FNIP2: variants seen among roughly 807,000 people sequenced by gnomAD.
The protein encoded by FNIP2 is folliculin interacting protein 2, also known as folliculin-interacting protein 2.
A neutral mutation model predicts 108.7 loss-of-function variants in FNIP2; 32 were observed. That is an observed-to-expected ratio of 0.29 (90% CI 0.22 to 0.40). The LOEUF is 0.40. Among genes scored for constraint, FNIP2 ranks in the 10% least tolerant of loss-of-function variants. FNIP2 has a pLI of 1.00. For missense variants in FNIP2, 1,202 were observed against 1,381.6 expected, an observed-to-expected ratio of 0.87 and a Z score of 2.06; for synonymous variants, 480 against 496.7, an observed-to-expected ratio of 0.97 and a Z score of 0.45.
At chr4:158,797,470 C>T (rs1000106548) in intron 1 of FNIP2, among the ~76,000 whole-genome samples, 14 of 152,118 alleles carry the variant, frequency 9.2e-5, no homozygotes, top group African/African-American at 2.4e-4. Flanking sequence ...GAGGCTGAGA[C>T]GGGCAGATTG....
At chr4:158,851,193 T>G in intron 7 of FNIP2, 128 bp from the exon 8 acceptor site, 1 of 1,116,426 alleles carries the variant, frequency 9.0e-7, no homozygotes, top group Non-Finnish European at 1.3e-6. Context: ...AAGTGTACAG[T>G]TTAGTGATAT....
intron 7 of FNIP2, among the ~76,000 whole-genome samples, chr4:158,842,162 A>G (rs1474798281): frequency 6.6e-6 from 1 of 152,158 alleles, no homozygotes; most frequent in Non-Finnish European, 1.5e-5. Flanking sequence ...CATTTCCACA[A>G]ATTTACTTGG....
chr4:158,830,045 T>C (rs1043298660), intron 3 of FNIP2, among the ~76,000 whole-genome samples: 45 of 152,168 alleles, frequency 3.0e-4, no homozygotes, highest in Middle Eastern at 3.4e-3. Context: ...GGAGTAGAAT[T>C]TTCAGCAGGT....
chr4:158,780,362 A>G (rs1321344197), intron 1 of FNIP2, among the ~76,000 whole-genome samples: 1 of 152,246 alleles, frequency 6.6e-6, no homozygotes, highest in Non-Finnish European at 1.5e-5. Context: ...GAAATCTTTT[A>G]GAATGCTTTT....
chr4:158,806,034 T>G, intron 1 of FNIP2: 1 of 759,192 alleles, frequency 1.3e-6, no homozygotes, highest in Non-Finnish European at 1.7e-6. Flanking sequence ...CAAATGAATG[T>G]TCCACCTTTT....
chr4:158,792,185 C>G (rs914305600), intron 1 of FNIP2, among the ~76,000 whole-genome samples: 2 of 152,144 alleles, frequency 1.3e-5, no homozygotes, highest in South Asian at 4.1e-4. Context: ...CACCTACTTA[C>G]CAAAATTTGT....
At chr4:158,894,460 C>T (rs1248477276) in intron 15 of FNIP2, among the ~76,000 whole-genome samples, 2 of 152,168 alleles carry the variant, frequency 1.3e-5, no homozygotes, top group Non-Finnish European at 2.9e-5. Context: ...GCGTGAGCCA[C>T]TATGACTGGC....
intron 13 of FNIP2, among the ~76,000 whole-genome samples, chr4:158,869,949 C>T (rs1472995459): frequency 1.3e-5 from 2 of 152,346 alleles, no homozygotes; most frequent in Non-Finnish European, 2.9e-5. Flanking sequence ...TCTGTTCTTC[C>T]GCACTGTCGT....
At position 158,883,431 on chromosome 4, in the gene FNIP2, C is replaced by T. The variant is rs188951614; in HGVS notation, c.2950-8015C>T. ...TAATTTTTTGTATTTTTAGTAGAGA[C>T]GGGGTTTCACCGTGTTAGCCAGGAT... On this transcript the variant is annotated intron_variant, in intron 14 of 16. Coordinates refer to ENST00000264433, the MANE Select transcript of FNIP2 (RefSeq NM_020840.3). Among the ~76,000 whole-genome samples, 714 of 152,118 alleles carry T rather than the reference C, an allele frequency of 4.7e-3. 12 individuals are homozygous for T. The highest frequency in any genetic ancestry group is 0.019 in the Admixed American group (283 of 15,280).
chr4:158,833,849 G>A (rs749538457), intron 6 of FNIP2: 92 of 1,493,446 alleles, frequency 6.2e-5, no homozygotes, highest in Non-Finnish European at 8.0e-5. Flanking sequence ...GTAGCTGAAG[G>A]AGGACCTCTC....
intron 13 of FNIP2, 83 bp downstream of exon 13, chr4:158,869,511 C>G (rs1780806126): frequency 3.5e-6 from 5 of 1,432,588 alleles, no homozygotes; most frequent in Non-Finnish European, 4.6e-6. Flanking sequence ...TTGTTAGCCA[C>G]TACTATTGTC....
chr4:158,897,611 CAT>C (rs1197073636), intron 16 of FNIP2, among the ~76,000 whole-genome samples: 15 of 152,152 alleles, frequency 9.9e-5, no homozygotes, highest in East Asian at 1.9e-4. Flanking sequence ...AGCTTTTTTT[CAT>C]ATGTTTGTTG....
chr4:158,873,070 A>G (rs1362563422), intron 14 of FNIP2, among the ~76,000 whole-genome samples: 3 of 152,048 alleles, frequency 2.0e-5, no homozygotes, highest in Admixed American at 2.0e-4. Context: ...CAAGGTGGGT[A>G]GATCACGTGA....
intron 1 of FNIP2, among the ~76,000 whole-genome samples, chr4:158,774,326 T>C (rs1775791915): frequency 6.6e-6 from 1 of 152,206 alleles, no homozygotes; most frequent in South Asian, 2.1e-4. Flanking sequence ...GATTTTGCTC[T>C]AATGAATTTG....
intron 1 of FNIP2, among the ~76,000 whole-genome samples, chr4:158,822,907 A>G (rs1255383201): frequency 6.6e-6 from 1 of 152,224 alleles, no homozygotes; most frequent in Non-Finnish European, 1.5e-5. Flanking sequence ...AATTAAAAAA[A>G]TTATTTTTAG....
rs567665835 is a variant in FNIP2 at position 158,806,526 on chromosome 4, T to C, written c.108-19390T>C. 4.0e-6 allele frequency: 3 copies of C among 746,468 alleles called. No individual in the cohort carries two copies. In the South Asian group the frequency reaches 5.2e-5, roughly 13 times the overall value. The allele number at this position is 746,468 out of a possible 1,614,324, so 46.2% of individuals were successfully genotyped here. A position where few individuals can be genotyped will look rare whatever the true frequency, so the allele number is the denominator to read the frequency against. The stretch of plus-strand genomic sequence containing the variant: ...TTGATCTGAAAGTTGTTGTTTCTCA[T>C]AAGTGCTTCTAAGTAGGAGAAATGG... On this transcript the variant is annotated intron_variant, in intron 1 of 16. Coordinates refer to ENST00000264433, the MANE Select transcript of FNIP2 (RefSeq NM_020840.3).
At chr4:158,840,161 T>G (rs1347623997) in intron 7 of FNIP2, among the ~76,000 whole-genome samples, 1 of 152,128 alleles carries the variant, frequency 6.6e-6, no homozygotes, top group Non-Finnish European at 1.5e-5. Context: ...AGGATGCATC[T>G]CCAGTTTCTA....
chr4:158,840,685 C>G (rs1387089380), intron 7 of FNIP2, among the ~76,000 whole-genome samples: 1 of 152,158 alleles, frequency 6.6e-6, no homozygotes, highest in Non-Finnish European at 1.5e-5. Context: ...TGTGAGCCAC[C>G]GTGCCCAGCC....
chr4:158,849,729 G>T (rs1779592997), intron 7 of FNIP2, among the ~76,000 whole-genome samples: 1 of 151,906 alleles, frequency 6.6e-6, no homozygotes, highest in South Asian at 2.1e-4. Context: ...ATTTGGTTTT[G>T]GGGATTTAAG....
Sources: allele counts gnomAD v4.1 joint callset (sites outside exome capture counted in the v4.1 genomes callset), GRCh38; gene constraint gnomAD v4.1.1; transcripts MANE v1.5; gene names NCBI Gene and HGNC (gene_info 2026-07-23, HGNC 2026-07-21).